Variants in ALK observed in about 807,000 individuals in gnomAD.
ALK encodes the protein ALK tyrosine kinase receptor.
ALK carries 74 observed loss-of-function variants against 163.1 expected under a neutral mutation model. The ratio of observed to expected loss-of-function variants is 0.45; its 90% CI spans 0.38 to 0.55. The LOEUF is 0.55. ALK is among the 20% of genes least tolerant of loss of function. The pLI is 0.00. For synonymous variants in ALK, 960 were observed against 843.2 expected, an observed-to-expected ratio of 1.14 and a Z score of -2.40; for missense variants, 2,063 against 2,105.3, an observed-to-expected ratio of 0.98 and a Z score of 0.39.
At chr2:29,798,292 C>T (rs1483982526) in intron 1 of ALK, among the ~76,000 whole-genome samples, 1 of 152,190 alleles carries the variant, frequency 6.6e-6, no homozygotes, top group Non-Finnish European at 1.5e-5. Flanking sequence ...CAGCTCCTTT[C>T]CATTTTGGGA....
intron 1 of ALK, among the ~76,000 whole-genome samples, chr2:29,759,373 T>TAC (rs1052400213): frequency 1.3e-5 from 2 of 152,148 alleles, no homozygotes; most frequent in Non-Finnish European, 2.9e-5. Flanking sequence ...CTCCATGAGG[T>TAC]ACTAAGGAAG....
At chr2:29,765,503 G>T (rs1680835836) in intron 1 of ALK, among the ~76,000 whole-genome samples, 1 of 151,904 alleles carries the variant, frequency 6.6e-6, no homozygotes, top group African/African-American at 2.4e-5. Flanking sequence ...GCAGAAACAG[G>T]GTCCCACTAC....
chr2:29,218,624 C>G (rs1669703487), intron 23 of ALK, among the ~76,000 whole-genome samples: 1 of 152,206 alleles, frequency 6.6e-6, no homozygotes, highest in Non-Finnish European at 1.5e-5. Flanking sequence ...CTGCCATCTC[C>G]TGCCCCCGAA....
chr2:29,679,910 G>T (rs1173533168), intron 3 of ALK, among the ~76,000 whole-genome samples: 2 of 151,926 alleles, frequency 1.3e-5, no homozygotes, highest in Non-Finnish European at 2.9e-5. Context: ...TTGTTTTTCT[G>T]GGAATTATTT....
intron 11 of ALK, among the ~76,000 whole-genome samples, chr2:29,262,727 G>A (rs1205074989): frequency 6.6e-6 from 1 of 152,234 alleles, no homozygotes; most frequent in Non-Finnish European, 1.5e-5. Flanking sequence ...TTCCGAGTGA[G>A]CTTGCCCCCA....
intron 1 of ALK, among the ~76,000 whole-genome samples, chr2:29,775,555 A>C (rs2148347150): frequency 6.6e-6 from 1 of 152,220 alleles, no homozygotes; most frequent in Non-Finnish European, 1.5e-5. Context: ...AAAAAACAAA[A>C]ACAAAAGCAG....
At chr2:29,335,978 T>G (rs539076089) in intron 5 of ALK, among the ~76,000 whole-genome samples, 84 of 152,232 alleles carry the variant, frequency 5.5e-4, no homozygotes, top group African/African-American at 1.9e-3. Context: ...AGGCGGAGGT[T>G]GCAGTGAGCC....
At chr2:29,287,189 T>A (rs1223172047) in intron 9 of ALK, among the ~76,000 whole-genome samples, 1 of 152,230 alleles carries the variant, frequency 6.6e-6, no homozygotes, top group Non-Finnish European at 1.5e-5. Flanking sequence ...AGTTTTGAGT[T>A]ACTAAATTCA....
At chr2:29,897,727 C>T (rs1282704998) in intron 1 of ALK, among the ~76,000 whole-genome samples, 1 of 152,200 alleles carries the variant, frequency 6.6e-6, no homozygotes, top group East Asian at 1.9e-4. Flanking sequence ...ATCCTATTCC[C>T]TTCAGCCTTC....
chr2:29,349,281 T>G (rs2148277871), intron 5 of ALK, among the ~76,000 whole-genome samples: 1 of 152,320 alleles, frequency 6.6e-6, no homozygotes. Context: ...CACTTTGTTC[T>G]TGACCCTGCT....
At chr2:29,416,813 G>A (rs4555301) in intron 4 of ALK, among the ~76,000 whole-genome samples, 111,346 of 151,766 alleles carry the variant, frequency 0.73, 41,064 homozygotes, top group East Asian at 0.96. Context: ...ACTTAACCAA[G>A]CTCTCTGAAC....
intron 4 of ALK, among the ~76,000 whole-genome samples, chr2:29,488,931 G>A (rs1671839741): frequency 6.6e-6 from 1 of 152,130 alleles, no homozygotes; most frequent in African/African-American, 2.4e-5. Context: ...AATCACTGGG[G>A]GAGGGAATGG....
At chr2:29,506,258 T>C (rs967148210) in intron 4 of ALK, among the ~76,000 whole-genome samples, 4 of 152,190 alleles carry the variant, frequency 2.6e-5, no homozygotes, top group African/African-American at 9.7e-5. Flanking sequence ...TTCTTGCTTT[T>C]CTTTATATTA....
chr2:29,202,708 A>G (rs905488524), intron 26 of ALK, among the ~76,000 whole-genome samples: 1 of 152,236 alleles, frequency 6.6e-6, no homozygotes, highest in Non-Finnish European at 1.5e-5. Context: ...CTATGTTGAT[A>G]TATGTAGGTT....
intron 1 of ALK, among the ~76,000 whole-genome samples, chr2:29,836,583 AG>A: frequency 6.6e-6 from 1 of 152,362 alleles, no homozygotes; most frequent in Non-Finnish European, 1.5e-5. Flanking sequence ...GCTAAGTATA[AG>A]TAAGTGTAAT....
At chr2:29,490,961 C>T (rs1671886141) in intron 4 of ALK, among the ~76,000 whole-genome samples, 1 of 152,050 alleles carries the variant, frequency 6.6e-6, no homozygotes, top group Admixed American at 6.6e-5. Flanking sequence ...TAAATTTTTA[C>T]CTGCATTTAC....
chr2:29,760,631 GT>G (rs1252568347), intron 1 of ALK, among the ~76,000 whole-genome samples: 2 of 152,166 alleles, frequency 1.3e-5, no homozygotes, highest in Non-Finnish European at 2.9e-5. Flanking sequence ...CCTGGTCCAG[GT>G]GAGTACCAGG....
intron 2 of ALK, among the ~76,000 whole-genome samples, chr2:29,697,555 A>G (rs1384585481): frequency 6.6e-6 from 1 of 152,172 alleles, no homozygotes; most frequent in Non-Finnish European, 1.5e-5. Flanking sequence ...AAGCTGGCTT[A>G]TGGATTAACA....
At chr2:29,769,004 T>G (rs1680942049) in intron 1 of ALK, among the ~76,000 whole-genome samples, 1 of 152,028 alleles carries the variant, frequency 6.6e-6, no homozygotes, top group African/African-American at 2.4e-5. Flanking sequence ...CAGCTAATTT[T>G]TGCATTTTTT....
Sources: gnomAD v4.1 joint callset for allele counts (sites outside exome capture counted in the v4.1 genomes callset) on GRCh38, gnomAD v4.1.1 for gene constraint, MANE v1.5 for transcripts, NCBI Gene and HGNC (gene_info 2026-07-23, HGNC 2026-07-21) for gene names.